CDH12: variants seen among roughly 807,000 people sequenced by gnomAD.
CDH12 encodes the protein cadherin 12.
In CDH12, 41 loss-of-function variants were observed where a neutral mutation model predicts 74.1. That is an observed-to-expected ratio of 0.55 (90% CI 0.43 to 0.72). CDH12 has a LOEUF of 0.72. Ranked by LOEUF, CDH12 falls within the 30% of genes least tolerant of loss-of-function variation. The pLI is 0.00. For synonymous variants in CDH12, 399 were observed against 355.0 expected (o/e 1.12, Z -1.39); for missense variants, 945 against 977.2 (o/e 0.97, Z 0.44).
At chr5:22,576,429 A>G (rs1739791608) in intron 1 of CDH12, among the ~76,000 whole-genome samples, 1 of 152,220 alleles carries the variant, frequency 6.6e-6, no homozygotes, top group African/African-American at 2.4e-5. Flanking sequence ...ACACCATTTG[A>G]TATTTTGAAT....
At chr5:22,171,377 A>T (rs1412066476) in intron 4 of CDH12, among the ~76,000 whole-genome samples, 2 of 151,902 alleles carry the variant, frequency 1.3e-5, no homozygotes, top group Non-Finnish European at 2.9e-5. Context: ...TGTTGCTTAG[A>T]TGTAATACCA....
chr5:22,801,008 C>T (rs1411331592), intron 1 of CDH12, among the ~76,000 whole-genome samples: 1 of 152,120 alleles, frequency 6.6e-6, no homozygotes, highest in African/African-American at 2.4e-5. Context: ...CATAAAAAAC[C>T]ATGTGCTGCT....
chr5:22,775,554 G>C (rs976024920), intron 1 of CDH12, among the ~76,000 whole-genome samples: 1 of 151,070 alleles, frequency 6.6e-6, no homozygotes, highest in African/African-American at 2.4e-5. Flanking sequence ...AAATATAATT[G>C]GGCAACAAAA....
At chr5:21,804,810 TAATG>T (rs1340918646) in intron 9 of CDH12, among the ~76,000 whole-genome samples, 6 of 152,018 alleles carry the variant, frequency 3.9e-5, no homozygotes, top group African/African-American at 1.4e-4. Context: ...CCATCTTGCT[TAATG>T]AGTGAGTTTG....
At chr5:22,812,514 T>A (rs1385194432) in intron 1 of CDH12, among the ~76,000 whole-genome samples, 1 of 152,154 alleles carries the variant, frequency 6.6e-6, no homozygotes, top group African/African-American at 2.4e-5. Flanking sequence ...AGGCCCTACA[T>A]AAGTTTACAG....
At chr5:22,179,030 G>T (rs1405878949) in intron 4 of CDH12, among the ~76,000 whole-genome samples, 1 of 152,318 alleles carries the variant, frequency 6.6e-6, no homozygotes, top group Admixed American at 6.5e-5. Context: ...TTATCATCTG[G>T]AATACAAGGG....
intron 4 of CDH12, among the ~76,000 whole-genome samples, chr5:22,189,542 T>C (rs974113510): frequency 5.3e-5 from 8 of 151,986 alleles, no homozygotes; most frequent in Non-Finnish European, 1.0e-4. Context: ...TTATTACTTA[T>C]ACTTAACATA....
rs887580053 is a variant in CDH12 at position 22,187,121 on chromosome 5, G to A, written c.-187+25377C>T. ...TTACTGGTGTTACTAATAAGTGCACGTGGTTTGCAACTGATTGCTCTTATG... is the reference window on the plus strand; with the variant it reads ...TTACTGGTGTTACTAATAAGTGCACATGGTTTGCAACTGATTGCTCTTATG... On this transcript the variant is annotated intron_variant, in intron 4 of 14. Coordinates refer to ENST00000382254, the MANE Select transcript of CDH12 (RefSeq NM_004061.5). Among the ~76,000 whole-genome samples the A allele has an allele frequency of 8.5e-5, 13 of 152,236 alleles. 1 individual carries two copies. Among genetic ancestry groups the A allele is most frequent in the Admixed American group, 1.3e-4 (2 of 15,298 alleles).
intron 1 of CDH12, among the ~76,000 whole-genome samples, chr5:22,515,018 CTG>C (rs945882768): frequency 7.2e-5 from 11 of 152,064 alleles, no homozygotes; most frequent in African/African-American, 2.2e-4. Flanking sequence ...ATTTTAATAA[CTG>C]TTTTAATAAT....
chr5:22,200,687 G>A (rs1164039484), intron 4 of CDH12, among the ~76,000 whole-genome samples: 1 of 152,178 alleles, frequency 6.6e-6, no homozygotes, highest in East Asian at 1.9e-4. Flanking sequence ...ACGTAGGGAA[G>A]CAAAATTCTT....
chr5:22,661,109 G>C (rs577077713), intron 1 of CDH12, among the ~76,000 whole-genome samples: 1 of 152,108 alleles, frequency 6.6e-6, no homozygotes, highest in African/African-American at 2.4e-5. Flanking sequence ...TGCAATTAGA[G>C]GAAGCAAAGA....
chr5:22,318,932 T>A (rs1233784427), intron 3 of CDH12, among the ~76,000 whole-genome samples: 1 of 152,128 alleles, frequency 6.6e-6, no homozygotes, highest in Non-Finnish European at 1.5e-5. Flanking sequence ...TGTCAATGTC[T>A]CTGTTTTGGG....
chr5:22,634,848 A>G lies in CDH12; in HGVS notation c.-522-129484T>C, dbSNP rs181992928. Among the ~76,000 whole-genome samples the G allele has an allele frequency of 1.0e-3, 154 of 152,326 alleles. 4 individuals carry two copies. Among genetic ancestry groups the G allele is most frequent in the Admixed American group, 9.2e-3 (140 of 15,296 alleles). On this transcript the variant is annotated intron_variant, in intron 1 of 14. Transcript: ENST00000382254. ...ATTCAAAATATAATTTAATTATATT[A>G]CAGAGGACATAAGTAAATCTAAAGT...
At position 21,833,017 on chromosome 5, in the gene CDH12, GATATAATATATAATATATAAT is replaced by G. The variant is rs1191974465; in HGVS notation, c.814+9123_814+9143del. Among the ~76,000 whole-genome samples the G allele has an allele frequency of 1.1e-3, 32 of 29,882 alleles. 1 individual carries two copies. The highest frequency in any genetic ancestry group is 8.3e-3 in the African/African-American group (27 of 3,264). The allele number at this position is 29,882 out of a possible 152,430, so 19.6% of individuals were successfully genotyped here. A position where few individuals can be genotyped will look rare whatever the true frequency, so the allele number is the denominator to read the frequency against. On this transcript the variant is annotated intron_variant, in intron 8 of 14. Coordinates refer to ENST00000382254, the MANE Select transcript of CDH12 (RefSeq NM_004061.5). ...TATTAATATATTATATATAATATATGATATAATATATAATATATAATATATAATATATATTATATGTTATAT... is the reference window on the plus strand; with the variant it reads ...TATTAATATATTATATATAATATATGATATAATATATATTATATGTTATAT...
At chr5:22,479,042 T>C (rs969881213) in intron 2 of CDH12, among the ~76,000 whole-genome samples, 3 of 152,184 alleles carry the variant, frequency 2.0e-5, no homozygotes, top group African/African-American at 4.8e-5. Flanking sequence ...GGCCATTATC[T>C]GGATACATGC....
At chr5:21,831,081 GCAAA>G (rs1561222115) in intron 8 of CDH12, among the ~76,000 whole-genome samples, 3 of 150,750 alleles carry the variant, frequency 2.0e-5, no homozygotes, top group East Asian at 3.9e-4. Context: ...AAAAAACCAA[GCAAA>G]CAAACAAAAA....
intron 8 of CDH12, among the ~76,000 whole-genome samples, chr5:21,821,839 C>CT (rs1182503748): frequency 1.3e-5 from 2 of 151,876 alleles, no homozygotes; most frequent in Non-Finnish European, 2.9e-5. Flanking sequence ...ATCCTGCATA[C>CT]TTTTTGTGTG....
intron 3 of CDH12, among the ~76,000 whole-genome samples, chr5:22,234,714 G>A (rs1752503595): frequency 6.6e-6 from 1 of 151,408 alleles, no homozygotes; most frequent in Non-Finnish European, 1.5e-5. Flanking sequence ...ATGTATGTGT[G>A]TGTAGATATT....
chr5:21,935,017 A>G (rs1173819529), intron 6 of CDH12, among the ~76,000 whole-genome samples: 2 of 152,020 alleles, frequency 1.3e-5, no homozygotes. Flanking sequence ...GGATCTCCTG[A>G]CTTCGTGATC....
Sources: gnomAD v4.1 joint callset for allele counts (sites outside exome capture counted in the v4.1 genomes callset) on GRCh38, gnomAD v4.1.1 for gene constraint, MANE v1.5 for transcripts, NCBI Gene and HGNC (gene_info 2026-07-23, HGNC 2026-07-21) for gene names.